The following PRELID3B variants were observed in gnomAD, a reference collection of about 807,000 sequenced individuals.
PRELID3B encodes PRELI domain containing 3B, also known as PRELI domain containing protein 3B.
In PRELID3B, 15 loss-of-function variants were observed where a neutral mutation model predicts 24.0. The ratio of observed to expected loss-of-function variants is 0.63; its 90% CI spans 0.42 to 0.96. The LOEUF is 0.96. Among genes scored for constraint, PRELID3B ranks in the 40% least tolerant of loss-of-function variants. The probability of loss-of-function intolerance (pLI) is 0.00; values close to 1 mark genes in which losing one functional copy is unlikely to be tolerated. For synonymous variants in PRELID3B, 62 were observed against 76.0 expected, an observed-to-expected ratio of 0.82 and a Z score of 0.96; for missense variants, 189 against 236.0, an observed-to-expected ratio of 0.80 and a Z score of 1.30.
chr20:59,041,899 C>T (rs754688342), intron 1 of PRELID3B, among the ~76,000 whole-genome samples: 10 of 152,200 alleles, frequency 6.6e-5, no homozygotes, highest in Non-Finnish European at 1.3e-4. Flanking sequence ...GATTTCGCTG[C>T]TTAAATTTGT....
chr20:59,038,648 C>G lies in PRELID3B; in HGVS notation c.33-14G>C. On this transcript the variant is annotated splice_polypyrimidine_tract_variant and intron_variant, in intron 1 of 5. Transcript: ENST00000355937. ...TCCCACGGGTGGCTGCCGATGTGAA[C>G]CAAAAAAAAAAAAAAAAAAATTCAG... 1.6e-6 allele frequency: 2 copies of G among 1,221,492 alleles called. No homozygotes were observed. Among genetic ancestry groups the G allele is most frequent in the Non-Finnish European group, 2.0e-6 (2 of 987,932 alleles). 75.7% of individuals were successfully genotyped at this position (1,221,492 alleles called of 1,614,324 possible).
rs1054972302 is a variant in PRELID3B, at chr20:59,040,677, A to G, written c.32+2022T>C. ...ATCAGAAACAACGCTCAGATTTGTC[A>G]GGGGAGATGATGACTTCAATTTCAG... On this transcript the variant is annotated intron_variant, in intron 1 of 5. Transcript: ENST00000355937. This position sits in a 1 kb window ranked among gnomAD's most constrained non-coding sequence, Gnocchi z 4.1. Among the ~76,000 whole-genome samples, 13 of 152,246 alleles carry G rather than the reference A, an allele frequency of 8.5e-5. No individual in the cohort carries two copies. Among genetic ancestry groups the G allele is most frequent in the African/African-American group, 2.9e-4 (12 of 41,464 alleles).
chr20:59,035,093 A>G lies in PRELID3B; in HGVS notation c.499T>C (p.Leu167=). ...GTCAGTTCTTCAATCTCAGCATTTA[A>G]TTTATGTATTACCCATTCCATTGCT... ...REAMEWVIHK[L]NAEIEELTAS... is the part of the protein sequence containing the mutation. The change falls in exon 6 of 6, where the codon TTA becomes CTA. Residue 167 remains leucine, a synonymous_variant. Coordinates refer to ENST00000355937, the MANE Select transcript of PRELID3B (RefSeq NM_016045.3). 1 of 1,613,748 alleles carries G rather than the reference A, an allele frequency of 6.2e-7. No homozygotes were observed. The highest frequency in any genetic ancestry group is 8.5e-7 in the Non-Finnish European group (1 of 1,179,882).
At chr20:59,036,110 T>C (rs1212440367) in intron 5 of PRELID3B, among the ~76,000 whole-genome samples, 1 of 151,988 alleles carries the variant, frequency 6.6e-6, no homozygotes, top group Non-Finnish European at 1.5e-5. Context: ...TGAGAAACAG[T>C]GCCTTAAATG....
intron 1 of PRELID3B, 79 bp downstream of exon 1, chr20:59,042,620 G>T: frequency 1.3e-6 from 2 of 1,500,448 alleles, no homozygotes; most frequent in Non-Finnish European, 1.8e-6. Flanking sequence ...GAAGCCTCCT[G>T]CGGGCCGCCT....
At chr20:59,036,344 A>G in intron 5 of PRELID3B, 127 bp downstream of exon 5, 1 of 692,122 alleles carries the variant, frequency 1.4e-6, no homozygotes, top group South Asian at 1.7e-5. Context: ...TAACTGCCCA[A>G]CGTGCTGCAG....
intron 2 of PRELID3B, 160 bp from the exon 3 acceptor site, chr20:59,037,440 T>G: frequency 1.5e-6 from 1 of 686,160 alleles, no homozygotes; most frequent in Non-Finnish European, 2.6e-6. Context: ...AGGAGGCCTA[T>G]TCACATATCA....
chr20:59,037,424 T>G, intron 2 of PRELID3B, 144 bp from the exon 3 acceptor site: 1 of 724,586 alleles, frequency 1.4e-6, no homozygotes, highest in Non-Finnish European at 2.4e-6. Flanking sequence ...CAAGCAAAGG[T>G]CAGAAAGGAG....
rs2092058125 is a variant in PRELID3B, at chr20:59,034,791, CAGAT to C, written c.*212_*215del. Reference sequence around the variant, plus strand: ...ACAGAAATACTGGAACCCTCAAAATCAGATAGTAATTTCAAACAACATTAATTTC... The same window carrying C: ...ACAGAAATACTGGAACCCTCAAAATCAGTAATTTCAAACAACATTAATTTC... On this transcript the variant is annotated 3_prime_UTR_variant, in exon 6 of 6. Coordinates refer to ENST00000355937, the MANE Select transcript of PRELID3B (RefSeq NM_016045.3). 11 of 411,106 alleles carry C rather than the reference CAGAT, an allele frequency of 2.7e-5. No individual in the cohort carries two copies. In the East Asian group the frequency reaches 3.4e-4, roughly 13 times the overall value. The allele number at this position is 411,106 out of a possible 1,614,324, so 25.5% of individuals were successfully genotyped here. A position where few individuals can be genotyped will look rare whatever the true frequency, so the allele number is the denominator to read the frequency against.
Position 59,033,365 on chromosome 20 carries a change from AG to A in PRELID3B, c.*1641del, listed in dbSNP as rs1456861976. ...TCAGTTTTTAAAAAATCAAAGGATA[AG>A]GATTTAAAAATATTAGGGCATTACA... is the stretch of plus-strand genomic sequence containing the variant. On this transcript the variant is annotated 3_prime_UTR_variant, in exon 6 of 6. Coordinates refer to ENST00000355937, the MANE Select transcript of PRELID3B (RefSeq NM_016045.3). 3 of 152,212 alleles carry A rather than the reference AG, an allele frequency of 2.0e-5. No homozygotes were observed. Among genetic ancestry groups the A allele is most frequent in the African/African-American group, 7.2e-5 (3 of 41,466 alleles). The allele number at this position is 152,212 out of a possible 1,614,324, so 9.4% of individuals were successfully genotyped here.
At position 59,034,848 on chromosome 20, in the gene PRELID3B, G is replaced by T; in HGVS notation, c.*159C>A. On this transcript the variant is annotated 3_prime_UTR_variant, in exon 6 of 6. Coordinates refer to ENST00000355937, the MANE Select transcript of PRELID3B (RefSeq NM_016045.3). ...ATGATCCCTTTTATTTAGAGGCCCT[G>T]CATCTGTTTTGATCAAGTCACATAG... is the stretch of plus-strand genomic sequence containing the variant. The T allele has an allele frequency of 2.0e-6, 1 of 491,928 alleles. No homozygotes were observed. Among genetic ancestry groups the T allele is most frequent in the African/African-American group, 2.1e-5 (1 of 46,686 alleles). 30.5% of individuals were successfully genotyped at this position (491,928 alleles called of 1,614,324 possible). A position where few individuals can be genotyped will look rare whatever the true frequency, so the allele number is the denominator to read the frequency against.
rs757481898 is a variant in PRELID3B at position 59,035,022 on chromosome 20, C to A, written c.570G>T (p.Ala190=). 1 of 1,613,110 alleles carries A rather than the reference C, an allele frequency of 6.2e-7. No individual in the cohort carries two copies. Among genetic ancestry groups the A allele is most frequent in the Non-Finnish European group, 8.5e-7 (1 of 1,179,572 alleles). The part of the protein sequence containing the change: ...GTIRTPMAAA[A]FAEK ...ACTGTCACGATCACTTCTCTGCAAA[C>A]GCTGCTGCTGCCATTGGAGTCCTTA... The change falls in exon 6 of 6, where the codon GCG becomes GCT. Residue 190 remains alanine (A), a synonymous_variant. Transcript: ENST00000355937.
rs1265290157 is a variant in PRELID3B at position 59,040,795 on chromosome 20, C to G, written c.32+1904G>C. Among the ~76,000 whole-genome samples, 1 of 152,124 alleles carries G rather than the reference C, an allele frequency of 6.6e-6. No homozygotes were observed. The highest frequency in any genetic ancestry group is 1.5e-5 in the Non-Finnish European group (1 of 68,036). ...AAGCGGAGCTCAAGAGAGGCTGGAG[C>G]TCAAGGTACAGATCTGGGTGCCATA... On this transcript the variant is annotated intron_variant, in intron 1 of 5. Coordinates refer to ENST00000355937, the MANE Select transcript of PRELID3B (RefSeq NM_016045.3). This position sits in a 1 kb window ranked among gnomAD's most constrained non-coding sequence, Gnocchi z 4.1.
In PRELID3B at chr20:59,036,454, G is replaced by GA; in HGVS notation, c.465+16dup. Reference sequence around the variant, plus strand: ...AAATGAACCAGGGAATAATAACCAAGAAGCAGCCTCACTTACTTTACTAGC... The same window carrying GA: ...AAATGAACCAGGGAATAATAACCAAGAAAGCAGCCTCACTTACTTTACTAGC... On this transcript the variant is annotated intron_variant, in intron 5 of 5. Coordinates refer to ENST00000355937, the MANE Select transcript of PRELID3B (RefSeq NM_016045.3). The GA allele has an allele frequency of 6.3e-7, 1 of 1,576,262 alleles. No homozygotes were observed. Among genetic ancestry groups the GA allele is most frequent in the Non-Finnish European group, 8.7e-7 (1 of 1,148,798 alleles).
Position 59,037,234 on chromosome 20 carries a change from A to G in PRELID3B, c.248T>C (p.Val83Ala). The change falls in exon 3 of 6, where the codon GTA (valine) becomes GCA (alanine). Residue 83 changes from valine to alanine, a missense_variant. Val to Ala is a moderately conservative substitution (Grantham distance 64). Transcript: ENST00000355937. ...CATTGTTTTCTCTACAGGATCAACTACAGAATGTTCTTGCACATATGTTTT... is the reference window on the plus strand; with the variant it reads ...CATTGTTTTCTCTACAGGATCAACTGCAGAATGTTCTTGCACATATGTTTT... ...RTKTYVQEHS[V>A]VDPVEKTMEL... is the part of the protein sequence containing the mutation. 1 of 1,614,046 alleles carries G rather than the reference A, an allele frequency of 6.2e-7. No individual in the cohort carries two copies. Among genetic ancestry groups the G allele is most frequent in the Non-Finnish European group, 8.5e-7 (1 of 1,179,914 alleles).
At chr20:59,042,203 T>C (rs1230387073) in intron 1 of PRELID3B, among the ~76,000 whole-genome samples, 3 of 152,242 alleles carry the variant, frequency 2.0e-5, no homozygotes, top group African/African-American at 7.2e-5. Context: ...CACATCCTGG[T>C]GGTCAGAGTT....
chr20:59,041,228 A>AC (rs991477734), intron 1 of PRELID3B, among the ~76,000 whole-genome samples: 42 of 152,304 alleles, frequency 2.8e-4, no homozygotes, highest in African/African-American at 9.1e-4. Flanking sequence ...GCTGAAATGG[A>AC]CTAGTGATGA....
intron 1 of PRELID3B, 55 bp from the exon 2 acceptor site, chr20:59,038,689 CAT>C: frequency 1.3e-6 from 2 of 1,501,582 alleles, no homozygotes; most frequent in East Asian, 2.3e-5. Context: ...TAAAATTATG[CAT>C]ATGAGTTAAA....
chr20:59,038,109 C>G (rs1293955977), intron 2 of PRELID3B: 1 of 178,016 alleles, frequency 5.6e-6, no homozygotes. Flanking sequence ...TTAATGTACA[C>G]AACCCACCAC....
Sources: gnomAD v4.1 joint callset for allele counts (sites outside exome capture counted in the v4.1 genomes callset) on GRCh38, gnomAD v4.1.1 for gene constraint, Gnocchi (gnomAD v3.1) non-coding constraint, MANE v1.5 for transcripts, NCBI Gene and HGNC (gene_info 2026-07-23, HGNC 2026-07-21) for gene names.